ERICH3: variants seen among roughly 807,000 people sequenced by gnomAD.
The protein encoded by ERICH3 is glutamate rich 3, also known as glutamate-rich protein 3.
In ERICH3, 126 loss-of-function variants were observed where a neutral mutation model predicts 131.1. The ratio of observed to expected loss-of-function variants is 0.96; its 90% CI spans 0.83 to 1.11. The LOEUF (loss-of-function observed/expected upper bound fraction) is 1.11. Among genes scored for constraint, ERICH3 ranks in the 50% most tolerant of loss-of-function variants. The pLI is 0.00. For synonymous variants in ERICH3, 695 were observed against 644.6 expected, an observed-to-expected ratio of 1.08 and a Z score of -1.18; for missense variants, 2,050 against 1,810.7, an observed-to-expected ratio of 1.13 and a Z score of -2.40.
upstream of ERICH3, among the ~76,000 whole-genome samples, chr1:74,674,317 A>C (rs1182321765): frequency 6.6e-6 from 1 of 152,182 alleles, no homozygotes; most frequent in East Asian, 1.9e-4. Context: ...CTTACATTGG[A>C]ATCCAGTACA....
At chr1:74,640,837 T>C (rs1398546761) in intron 5 of ERICH3, among the ~76,000 whole-genome samples, 1 of 152,036 alleles carries the variant, frequency 6.6e-6, no homozygotes, top group Non-Finnish European at 1.5e-5. Context: ...CATGGTACCA[T>C]TGAATATGTA....
intron 6 of ERICH3, among the ~76,000 whole-genome samples, chr1:74,633,038 C>A (rs927533155): frequency 2.6e-5 from 4 of 151,714 alleles, no homozygotes; most frequent in Non-Finnish European, 5.9e-5. Flanking sequence ...CAATTTATTT[C>A]TATTTCTACA....
In ERICH3 at chr1:74,572,208, C is replaced by T. The variant is rs751531536; in HGVS notation, c.3502G>A (p.Glu1168Lys). The change falls in exon 14 of 15, where the codon GAA becomes AAA. Residue 1168 changes from glutamate (E) to lysine (K), a missense_variant. Coordinates refer to ENST00000326665, the MANE Select transcript of ERICH3 (RefSeq NM_001002912.5). The part of the protein sequence containing the change: ...EATPGFEKSL[E>K]NITALRKEGG... ...TCTTTCCTCAGAGCTGTTATGTTTTCCAGCGACTTTTCAAATCCAGGCGTT... is the reference window on the plus strand; with the variant it reads ...TCTTTCCTCAGAGCTGTTATGTTTTTCAGCGACTTTTCAAATCCAGGCGTT... The T allele has an allele frequency of 1.4e-5, 22 of 1,614,040 alleles. No individual in the cohort carries two copies. Among genetic ancestry groups the T allele is most frequent in the African/African-American group, 2.7e-5 (2 of 74,926 alleles).
At chr1:74,613,031 A>G (rs1052656128) in intron 8 of ERICH3, among the ~76,000 whole-genome samples, 2 of 152,110 alleles carry the variant, frequency 1.3e-5, no homozygotes, top group African/African-American at 4.8e-5. Context: ...CAAAAAAAAA[A>G]GTTCTTGTAT....
intron 12 of ERICH3, chr1:74,579,336 G>C (rs539459613): frequency 1.1e-6 from 1 of 888,468 alleles, no homozygotes; most frequent in Non-Finnish European, 1.3e-6. Context: ...GCAATTAGCA[G>C]GTACTGAACC....
At chr1:74,575,300 T>C (rs905873991) in intron 13 of ERICH3, among the ~76,000 whole-genome samples, 1 of 152,230 alleles carries the variant, frequency 6.6e-6, no homozygotes, top group Non-Finnish European at 1.5e-5. Flanking sequence ...TTAAAATGTG[T>C]TTGGAAGGTA....
chr1:74,576,897 C>A lies in ERICH3; in HGVS notation c.2216G>T (p.Gly739Val). Residue 739 changes from glycine (G) to valine (V), a missense_variant and splice_region_variant, in exon 13 of 15, where the codon GGT becomes GTT. Coordinates refer to ENST00000326665, the MANE Select transcript of ERICH3 (RefSeq NM_001002912.5). ...SLPLAYVLAL[G>V]APTMNFMVDE... ...CCTCTTGCAGATGGAATACTTACCA[C>A]CAAGAGCCAGGACATAGGCTAATGG... The A allele has an allele frequency of 6.2e-7, 1 of 1,600,776 alleles. No homozygotes were observed. Among genetic ancestry groups the A allele is most frequent in the South Asian group, 1.1e-5 (1 of 88,326 alleles).
At chr1:74,604,260 C>T (rs1349265264) in intron 10 of ERICH3, among the ~76,000 whole-genome samples, 1 of 151,770 alleles carries the variant, frequency 6.6e-6, no homozygotes, top group East Asian at 1.9e-4. Context: ...CATCTTAGGC[C>T]CCACTTCTAA....
intron 7 of ERICH3, among the ~76,000 whole-genome samples, chr1:74,629,268 AC>A (rs753202874): frequency 2.4e-4 from 37 of 152,266 alleles, no homozygotes; most frequent in Admixed American, 5.2e-4. Context: ...GAACAAAAAG[AC>A]AAAGAGGTAG....
In ERICH3 at chr1:74,612,646, AAC is replaced by A. The variant is rs1186828432; in HGVS notation, c.1162_1163del (p.Val388Ter). On this transcript the variant is annotated frameshift_variant, in exon 9 of 15. Transcript: ENST00000326665. LOFTEE classifies it high-confidence loss of function. Reference sequence around the variant, plus strand: ...ACTTGTAGCAAGGAGATGATCTCTCAACACACACAAACCCAAAGTAGCCTCGT... The same window carrying A: ...ACTTGTAGCAAGGAGATGATCTCTCAACACACAAACCCAAAGTAGCCTCGT... ...GKRGYFGFVC[V>X]ERSSPCYKCI... The A allele has an allele frequency of 1.9e-6, 3 of 1,583,346 alleles. No homozygotes were observed. Among genetic ancestry groups the A allele is most frequent in the Non-Finnish European group, 2.6e-6 (3 of 1,157,000 alleles).
At chr1:74,624,605 A>T (rs1649352116) in intron 7 of ERICH3, 1 of 152,182 alleles carries the variant, frequency 6.6e-6, no homozygotes, top group Non-Finnish European at 1.5e-5. Context: ...ATCCTTACAG[A>T]GGCATCAGAG....
intron 10 of ERICH3, among the ~76,000 whole-genome samples, chr1:74,604,923 C>CTT (rs1648312604): frequency 6.6e-6 from 1 of 151,888 alleles, no homozygotes; most frequent in African/African-American, 2.4e-5. Context: ...TCAGCCTATC[C>CTT]TTTGAAGCTT....
intron 1 of ERICH3, among the ~76,000 whole-genome samples, chr1:74,661,696 C>A (rs1557704589): frequency 6.6e-6 from 1 of 152,046 alleles, no homozygotes; most frequent in Non-Finnish European, 1.5e-5. Context: ...ATACTTTACA[C>A]AAAGATCAAA....
intron 11 of ERICH3, among the ~76,000 whole-genome samples, chr1:74,595,688 T>C (rs1041681915): frequency 6.6e-6 from 1 of 152,108 alleles, no homozygotes; most frequent in Non-Finnish European, 1.5e-5. Flanking sequence ...GCCTTTGTTT[T>C]CTACAAGGCA....
In ERICH3 at chr1:74,612,693, CT is replaced by C; in HGVS notation, c.1116del (p.Gly373ValfsTer52). ...CCTCGTTTGCCTCCAAGCCTGGAAC[CT>C]TTCCGATGCTTGTATTCACAACAGG... The part of the protein sequence containing the change: ...LSSCCEYKHR[K>X]GSRLGGKRGY... On this transcript the variant is annotated frameshift_variant, in exon 9 of 15. Transcript: ENST00000326665. LOFTEE classifies it high-confidence loss of function. 6.2e-7 allele frequency: 1 copy of C among 1,603,286 alleles called. No individual in the cohort carries two copies.
At chr1:74,659,191 A>G (rs971466562) in intron 1 of ERICH3, among the ~76,000 whole-genome samples, 1 of 152,166 alleles carries the variant, frequency 6.6e-6, no homozygotes, top group African/African-American at 2.4e-5. Flanking sequence ...AACTTACAAG[A>G]GGATTGCTCC....
chr1:74,632,260 G>T (rs892438048), intron 6 of ERICH3, among the ~76,000 whole-genome samples: 2 of 151,982 alleles, frequency 1.3e-5, no homozygotes, highest in African/African-American at 4.8e-5. Flanking sequence ...TTAAAGCAGA[G>T]CTTTAGTCCA....
chr1:74,581,737 G>T (rs768581455), intron 12 of ERICH3, among the ~76,000 whole-genome samples: 23 of 152,038 alleles, frequency 1.5e-4, no homozygotes, highest in African/African-American at 2.9e-4. Context: ...ATTATGAAAA[G>T]GACTGATGTT....
In ERICH3 at chr1:74,571,227, C is replaced by A. The variant is rs751514632; in HGVS notation, c.4483G>T (p.Ala1495Ser). The A allele has an allele frequency of 1.2e-6, 2 of 1,614,082 alleles. No individual in the cohort carries two copies. The highest frequency in any genetic ancestry group is 3.3e-5 in the Admixed American group (2 of 60,018). ...AAATCAGGCTTCACTGGAAGTGTTG[C>A]CATCGCCTGTAGACTCTCCGGACTC... ...ELSPESLQAM[A>S]TLPVKPDFTE... The change falls in exon 14 of 15, where the codon GCA becomes TCA. Residue 1495 changes from alanine (A) to serine (S), a missense_variant. Transcript: ENST00000326665.
Sources: gnomAD v4.1 joint callset for allele counts (sites outside exome capture counted in the v4.1 genomes callset) on GRCh38, gnomAD v4.1.1 for gene constraint, MANE v1.5 for transcripts, NCBI Gene and HGNC (gene_info 2026-07-23, HGNC 2026-07-21) for gene names.